Variants in DSCAML1 observed in about 807,000 individuals in gnomAD.
DSCAML1 encodes the protein cell adhesion molecule DSCAML1.
Under a neutral mutation model 200.5 loss-of-function variants are expected in DSCAML1, and 38 were observed. That is an observed-to-expected ratio of 0.19 (90% CI 0.15 to 0.25). DSCAML1 has a LOEUF of 0.25. DSCAML1 is among the 10% of genes least tolerant of loss of function. The pLI is 1.00. For missense variants in DSCAML1, 2,223 were observed against 2,858.8 expected (o/e 0.78, Z 5.07); for synonymous variants, 1,215 against 1,165.0 (o/e 1.04, Z -0.87).
At chr11:117,624,775 A>G (rs902263514) in intron 3 of DSCAML1, among the ~76,000 whole-genome samples, 3 of 152,160 alleles carry the variant, frequency 2.0e-5, no homozygotes, top group African/African-American at 7.2e-5. Context: ...AGCTAGAATC[A>G]TTGCTTCAGG....
intron 21 of DSCAML1, among the ~76,000 whole-genome samples, chr11:117,443,438 C>T (rs959772855): frequency 6.6e-6 from 1 of 152,252 alleles, no homozygotes; most frequent in African/African-American, 2.4e-5. Flanking sequence ...CGCAGGAATC[C>T]GCCATCGCTG....
intron 11 of DSCAML1, among the ~76,000 whole-genome samples, chr11:117,497,780 A>G (rs1421498618): frequency 1.3e-5 from 2 of 152,188 alleles, no homozygotes; most frequent in Non-Finnish European, 2.9e-5. Flanking sequence ...CTGGCTGGAG[A>G]GAGCAGGTGA....
chr11:117,805,742 C>A (rs2055702815), intron 1 of DSCAML1, among the ~76,000 whole-genome samples: 1 of 152,202 alleles, frequency 6.6e-6, no homozygotes, highest in Non-Finnish European at 1.5e-5. Flanking sequence ...ACTCTGTGCC[C>A]AGCCCCTGTG....
Position 117,806,347 on chromosome 11 carries a change from G to A in DSCAML1, c.-250+11043C>T, listed in dbSNP as rs117782417. Among the ~76,000 whole-genome samples, 7 of 152,288 alleles carry A rather than the reference G, an allele frequency of 4.6e-5. No homozygotes were observed. The East Asian group carries it at 1.4e-3, about 29-fold the overall frequency. On this transcript the variant is annotated intron_variant, in intron 1 of 2. Coordinates refer to the DSCAML1 transcript ENST00000525836. ...GCTCAGGAAAGCCTGACTCTATGGTGTGTCTACCCATCTGAGACACCCACA... is the reference window on the plus strand; with the variant it reads ...GCTCAGGAAAGCCTGACTCTATGGTATGTCTACCCATCTGAGACACCCACA...
At chr11:117,685,039 G>A (rs530953131) in intron 3 of DSCAML1, among the ~76,000 whole-genome samples, 6 of 152,376 alleles carry the variant, frequency 3.9e-5, no homozygotes, top group South Asian at 4.1e-4. Context: ...TGAGGCCCAA[G>A]GGCAGAGCTG....
intron 3 of DSCAML1, among the ~76,000 whole-genome samples, chr11:117,719,516 T>C (rs1418404327): frequency 6.6e-6 from 1 of 152,242 alleles, no homozygotes; most frequent in East Asian, 1.9e-4. Flanking sequence ...ACAAAGTTAA[T>C]ATGCAGTCCA....
At chr11:117,769,160 T>C (rs2054955853) in intron 3 of DSCAML1, among the ~76,000 whole-genome samples, 1 of 37,804 alleles carries the variant, frequency 2.6e-5, no homozygotes. Context: ...ATTTTATATA[T>C]ATTATATATT....
Position 117,503,915 on chromosome 11 carries a change from G to A in DSCAML1, c.2289C>T (p.Gly763=), listed in dbSNP as rs769094770. 2 of 1,614,184 alleles carry A rather than the reference G, an allele frequency of 1.2e-6. No homozygotes were observed. The highest frequency in any genetic ancestry group is 2.7e-5 in the African/African-American group (2 of 75,038). Residue 763 remains glycine, a synonymous_variant, in exon 11 of 33, where the codon GGC becomes GGT. Transcript: ENST00000651296. This position sits in a 1 kb window ranked among gnomAD's most constrained non-coding sequence, Gnocchi z 5.2. ...CGTTGCTGGCCTGGCAGAGGTAGTA[G>A]CCGATGTCCTCTTCTAGGACGTGGC... is the stretch of plus-strand genomic sequence containing the variant. The part of the protein sequence containing the change: ...LIRHVLEEDI[G]YYLCQASNGV...
chr11:117,775,862 C>T (rs186689942), intron 3 of DSCAML1, among the ~76,000 whole-genome samples: 1 of 152,134 alleles, frequency 6.6e-6, no homozygotes, highest in Non-Finnish European at 1.5e-5. Context: ...AATCATCAAC[C>T]TTGAGGAACA....
intron 3 of DSCAML1, among the ~76,000 whole-genome samples, chr11:117,647,816 G>A (rs2052547120): frequency 6.6e-6 from 1 of 152,172 alleles, no homozygotes; most frequent in African/African-American, 2.4e-5. Context: ...GGGGAGCAAG[G>A]AGACTTGTCC....
At chr11:117,559,078 C>A (rs112793334) in intron 3 of DSCAML1, among the ~76,000 whole-genome samples, 8,144 of 151,970 alleles carry the variant, frequency 0.054, 402 homozygotes, top group African/African-American at 0.13. Flanking sequence ...GGACAACAGA[C>A]GTGGTGGTCT....
At chr11:117,589,221 C>T (rs1472241029) in intron 3 of DSCAML1, among the ~76,000 whole-genome samples, 1 of 152,348 alleles carries the variant, frequency 6.6e-6, no homozygotes, top group East Asian at 1.9e-4. Context: ...ATGCAAGCGA[C>T]CGGAGCGGGC....
chr11:117,506,478 C>T (rs555858391), intron 8 of DSCAML1, among the ~76,000 whole-genome samples: 5 of 151,318 alleles, frequency 3.3e-5, no homozygotes, highest in African/African-American at 9.7e-5. Flanking sequence ...GTCCAAGTGT[C>T]ATCACCGTGT....
At chr11:117,523,492 G>A (rs1008991275) in intron 5 of DSCAML1, among the ~76,000 whole-genome samples, 8 of 152,168 alleles carry the variant, frequency 5.3e-5, no homozygotes, top group Non-Finnish European at 8.8e-5. Context: ...CATTTGCACC[G>A]TGCACTGCCA....
At position 117,428,259 on chromosome 11, in the gene DSCAML1, A is replaced by T; in HGVS notation, c.*69T>A. ...TCAGTTGAATATAAATAATGCAGAAAAACAGCCGAGCTGGCGTGTGGGGCT... is the reference window on the plus strand; with the variant it reads ...TCAGTTGAATATAAATAATGCAGAATAACAGCCGAGCTGGCGTGTGGGGCT... On this transcript the variant is annotated 3_prime_UTR_variant, in exon 33 of 33. Transcript: ENST00000651296. 1 of 918,862 alleles carries T rather than the reference A, an allele frequency of 1.1e-6. No individual in the cohort carries two copies. The highest frequency in any genetic ancestry group is 2.5e-5 in the East Asian group (1 of 40,094). 56.9% of individuals were successfully genotyped at this position (918,862 alleles called of 1,614,324 possible). A position where few individuals can be genotyped will look rare whatever the true frequency, so the allele number is the denominator to read the frequency against.
At chr11:117,435,580 G>T (rs780388527) in intron 27 of DSCAML1, 64 bp downstream of exon 27, 85 of 1,524,610 alleles carry the variant, frequency 5.6e-5, no homozygotes, top group Middle Eastern at 1.9e-4. Context: ...GCCAGGGAAG[G>T]GGGGGGACAA....
intron 3 of DSCAML1, among the ~76,000 whole-genome samples, chr11:117,772,459 T>C (rs540071590): frequency 6.6e-6 from 1 of 152,306 alleles, no homozygotes; most frequent in South Asian, 2.1e-4. Flanking sequence ...GTATCCCCAT[T>C]TGCATGGACA....
chr11:117,533,394 C>T (rs2050115258), intron 3 of DSCAML1, among the ~76,000 whole-genome samples: 1 of 152,198 alleles, frequency 6.6e-6, no homozygotes, highest in Non-Finnish European at 1.5e-5. Flanking sequence ...CCCAGTTGTC[C>T]TTCTGCATGG....
intron 3 of DSCAML1, among the ~76,000 whole-genome samples, chr11:117,690,582 T>C (rs1346952336): frequency 1.3e-5 from 2 of 152,106 alleles, no homozygotes; most frequent in Non-Finnish European, 2.9e-5. Flanking sequence ...AGACAGGACA[T>C]GAGGTTCAGA....
Sources: gnomAD v4.1 joint callset for allele counts (sites outside exome capture counted in the v4.1 genomes callset) on GRCh38, gnomAD v4.1.1 for gene constraint, Gnocchi (gnomAD v3.1) non-coding constraint, MANE v1.5 for transcripts, NCBI Gene and HGNC (gene_info 2026-07-23, HGNC 2026-07-21) for gene names.